The following CEP70 variants were observed in gnomAD, a reference collection of about 807,000 sequenced individuals.
CEP70 encodes the protein centrosomal protein of 70 kDa.
Under a neutral mutation model 90.9 loss-of-function variants are expected in CEP70, and 70 were observed. The ratio of observed to expected loss-of-function variants is 0.77; its 90% CI spans 0.64 to 0.94. The LOEUF is 0.94. Among genes scored for constraint, CEP70 ranks in the 40% least tolerant of loss-of-function variants. The probability of loss-of-function intolerance (pLI) is 0.00; values close to 1 mark genes in which losing one functional copy is unlikely to be tolerated. For missense variants in CEP70, 648 were observed against 669.0 expected (o/e 0.97, Z 0.35); for synonymous variants, 220 against 228.3 (o/e 0.96, Z 0.33).
intron 6 of CEP70, among the ~76,000 whole-genome samples, chr3:138,551,760 A>C (rs867740889): frequency 6.0e-4 from 29 of 48,168 alleles, no homozygotes; most frequent in African/African-American, 3.2e-3. Context: ...AAAAAAAAAT[A>C]AAATAAAACA....
chr3:138,539,108 G>A (rs1225161170), intron 6 of CEP70, among the ~76,000 whole-genome samples: 3 of 152,104 alleles, frequency 2.0e-5, no homozygotes, highest in African/African-American at 4.8e-5. Context: ...CACGTCCTGG[G>A]TTCAAGTGAT....
chr3:138,499,889 T>G, intron 16 of CEP70: 2 of 450,026 alleles, frequency 4.4e-6, no homozygotes, highest in African/African-American at 2.0e-5. Flanking sequence ...GTAAATAAGT[T>G]TTGAAAGTCT....
rs2041087868 is a variant in CEP70 at position 138,570,412 on chromosome 3, G to C, written c.371C>G (p.Ser124Cys). 4 of 1,608,672 alleles carry C rather than the reference G, an allele frequency of 2.5e-6. No homozygotes were observed. In the African/African-American group the frequency reaches 5.4e-5, roughly 22 times the overall value. ...TTCATCCTCCAATTCACCAATTTTG[G>C]ATTTCACACTTTCCATAATTTGTTC... Reference protein sequence around the residue: ...DLEQIMESVKSKIGELEDESL... With the variant: ...DLEQIMESVKCKIGELEDESL... The change falls in exon 6 of 18, where the codon TCC becomes TGC. Residue 124 changes from serine (S) to cysteine (C), a missense_variant. By Grantham distance (112) the Ser-to-Cys change is moderately radical (BLOSUM62 -1). Transcript: ENST00000264982.
chr3:138,562,009 C>T (rs2040440305), intron 6 of CEP70, among the ~76,000 whole-genome samples: 1 of 128,852 alleles, frequency 7.8e-6, no homozygotes, highest in South Asian at 2.6e-4. Context: ...GGCGACAATG[C>T]AAGACGCCGT....
At chr3:138,550,113 A>G (rs905352536) in intron 6 of CEP70, among the ~76,000 whole-genome samples, 56 of 152,296 alleles carry the variant, frequency 3.7e-4, no homozygotes, top group African/African-American at 1.3e-3. Flanking sequence ...CCAAATGAGA[A>G]GGAACCAGAA....
At chr3:138,592,538 T>C (rs960698064) in intron 1 of CEP70, among the ~76,000 whole-genome samples, 10 of 146,516 alleles carry the variant, frequency 6.8e-5, no homozygotes, top group Non-Finnish European at 9.0e-5. Context: ...ACACTTAAAA[T>C]AAGATTGTTG....
At chr3:138,563,404 GCAC>G (rs1246513199) in intron 6 of CEP70, among the ~76,000 whole-genome samples, 1 of 151,996 alleles carries the variant, frequency 6.6e-6, no homozygotes, top group Non-Finnish European at 1.5e-5. Context: ...TACATTCTCA[GCAC>G]CACATCACAC....
intron 10 of CEP70, among the ~76,000 whole-genome samples, chr3:138,528,720 G>A (rs1250044005): frequency 1.4e-5 from 2 of 144,504 alleles, no homozygotes; most frequent in Non-Finnish European, 3.0e-5. Flanking sequence ...GGCTGAGGAT[G>A]GTGGCTCATA....
intron 11 of CEP70, among the ~76,000 whole-genome samples, chr3:138,509,613 A>G (rs1213871111): frequency 1.3e-5 from 2 of 152,174 alleles, no homozygotes; most frequent in Non-Finnish European, 2.9e-5. Flanking sequence ...TTCATTTTCC[A>G]TGGTTTTAGT....
chr3:138,577,766 T>C (rs2041631759), intron 2 of CEP70, among the ~76,000 whole-genome samples: 1 of 152,166 alleles, frequency 6.6e-6, no homozygotes, highest in African/African-American at 2.4e-5. Flanking sequence ...TCCATATCAG[T>C]AATTACATTA....
At chr3:138,590,328 T>A (rs189233283) in intron 2 of CEP70, among the ~76,000 whole-genome samples, 2 of 152,236 alleles carry the variant, frequency 1.3e-5, no homozygotes, top group Admixed American at 6.5e-5. Flanking sequence ...AGCTCTGTAA[T>A]CTCAATCTGA....
At chr3:138,555,689 A>G (rs1332869669) in intron 6 of CEP70, among the ~76,000 whole-genome samples, 1 of 152,246 alleles carries the variant, frequency 6.6e-6, no homozygotes, top group East Asian at 1.9e-4. Flanking sequence ...ATGGTCAGGG[A>G]AATGCAGATC....
chr3:138,581,994 C>G (rs1232685175), intron 2 of CEP70, among the ~76,000 whole-genome samples: 1 of 152,062 alleles, frequency 6.6e-6, no homozygotes. Context: ...GCAAAAAAAA[C>G]TTTTACCCTA....
chr3:138,577,656 TA>T lies in CEP70; in HGVS notation c.-5-4725del, dbSNP rs765067307. 4.6e-5 allele frequency among the ~76,000 whole-genome samples: 7 copies of T among 151,198 alleles called. No individual in the cohort carries two copies. The South Asian group carries it at 1.0e-3, about 23-fold the overall frequency. ...GAGAGAGACTCTGCCTCGGAAAAAA[TA>T]AAAAAATTTTTAAAAACCCAAAAGA... On this transcript the variant is annotated intron_variant, in intron 2 of 17. Transcript: ENST00000264982.
intron 6 of CEP70, among the ~76,000 whole-genome samples, chr3:138,546,546 C>T (rs1053605138): frequency 1.3e-5 from 2 of 152,018 alleles, no homozygotes; most frequent in African/African-American, 2.4e-5. Flanking sequence ...GTCAGGAGTT[C>T]GCGATCAGCC....
Position 138,500,455 on chromosome 3 carries a change from G to A in CEP70, c.1481C>T (p.Thr494Ile), listed in dbSNP as rs2034394665. 1 of 1,610,670 alleles carries A rather than the reference G, an allele frequency of 6.2e-7. No homozygotes were observed. The highest frequency in any genetic ancestry group is 8.5e-7 in the Non-Finnish European group (1 of 1,179,234). ...GVYPRMNEVY[T>I]RLGEMNNAVR... ...AGCATTGTTCATTTCTCCAAGCCTA[G>A]TATAAACTTCATTCATTCGGGGATA... The change falls in exon 15 of 18, where the codon ACT (threonine) becomes ATT (isoleucine). Residue 494 changes from threonine to isoleucine, a missense_variant. Thr to Ile is a moderately conservative substitution (Grantham distance 89). Coordinates refer to ENST00000264982, the MANE Select transcript of CEP70 (RefSeq NM_024491.4).
At chr3:138,529,866 CA>C (rs2037651675) in intron 8 of CEP70, among the ~76,000 whole-genome samples, 1 of 152,004 alleles carries the variant, frequency 6.6e-6, no homozygotes, top group South Asian at 2.1e-4. Flanking sequence ...TTTAGGTCAC[CA>C]AAAAACCTAT....
rs151101274 is a variant in CEP70, at chr3:138,538,482, C to A, written c.466-1135G>T. ...CTAGTACCAAGAAGGAAGCAGTGAC[C>A]TAGCATAAAGGAAATTCAACAGGTG... On this transcript the variant is annotated intron_variant, in intron 6 of 17. Coordinates refer to ENST00000264982, the MANE Select transcript of CEP70 (RefSeq NM_024491.4). Among the ~76,000 whole-genome samples the A allele has an allele frequency of 3.5e-3, 534 of 152,232 alleles. 3 individuals are homozygous for A. Among genetic ancestry groups the A allele is most frequent in the Middle Eastern group, 6.8e-3 (2 of 294 alleles).
chr3:138,508,827 G>A (rs866106800), intron 11 of CEP70, among the ~76,000 whole-genome samples: 5 of 151,450 alleles, frequency 3.3e-5, no homozygotes, highest in Admixed American at 6.6e-5. Flanking sequence ...TCCGTCTCCC[G>A]GGTTCACACC....
Sources: allele counts gnomAD v4.1 joint callset (sites outside exome capture counted in the v4.1 genomes callset), GRCh38; gene constraint gnomAD v4.1.1; transcripts MANE v1.5; gene names NCBI Gene and HGNC (gene_info 2026-07-23, HGNC 2026-07-21).